The following MSANTD4 variants were observed in gnomAD, a reference collection of about 807,000 sequenced individuals.
MSANTD4 encodes the protein myb/SANT-like DNA-binding domain-containing protein 4.
A neutral mutation model predicts 34.3 loss-of-function variants in MSANTD4; 13 were observed. That is an observed-to-expected ratio of 0.38 (90% CI 0.25 to 0.60). MSANTD4 has a LOEUF of 0.60. MSANTD4 is among the 20% of genes least tolerant of loss of function. The pLI is 0.63. For synonymous variants in MSANTD4, 137 were observed against 145.2 expected (o/e 0.94, Z 0.41); for missense variants, 358 against 401.8 (o/e 0.89, Z 0.93).
Position 106,009,238 on chromosome 11 carries a change from T to C in MSANTD4, c.*297A>G, listed in dbSNP as rs1859610847. On this transcript the variant is annotated 3_prime_UTR_variant, in exon 3 of 3. Transcript: ENST00000301919. ...CCAAAATCTACCCCAGATGAGAACT[T>C]CTGGGCTAGAATTTTATATGGACAT... is the stretch of plus-strand genomic sequence containing the variant. 1 of 242,426 alleles carries C rather than the reference T, an allele frequency of 4.1e-6. No homozygotes were observed. Among genetic ancestry groups the C allele is most frequent in the African/African-American group, 2.2e-5 (1 of 44,458 alleles). 15.0% of individuals were successfully genotyped at this position (242,426 alleles called of 1,614,324 possible). A position where few individuals can be genotyped will look rare whatever the true frequency, so the allele number is the denominator to read the frequency against.
At chr11:106,015,243 G>C (rs1426693005) in intron 1 of MSANTD4, among the ~76,000 whole-genome samples, 2 of 152,188 alleles carry the variant, frequency 1.3e-5, no homozygotes, top group Non-Finnish European at 2.9e-5. Context: ...CCGGGTTAGA[G>C]TCCTGGCTCT....
chr11:106,010,522 C>T lies in MSANTD4; in HGVS notation c.396G>A (p.Arg132=), dbSNP rs1348340687. Residue 132 remains arginine (R), a synonymous_variant, in exon 2 of 3, where the codon AGG becomes AGA. Coordinates refer to ENST00000301919, the MANE Select transcript of MSANTD4 (RefSeq NM_032424.3). ...CCTCAGTTAAGGATCCACCTGCATC[C>T]CTGAAATCTGCCACATTTTGCCAGT... The part of the protein sequence containing the change: ...NFDWQNVADF[R]DAGGSLTEVK... The T allele has an allele frequency of 1.9e-6, 3 of 1,614,150 alleles. No homozygotes were observed. Among genetic ancestry groups the T allele is most frequent in the Non-Finnish European group, 2.5e-6 (3 of 1,180,018 alleles).
At position 106,021,752 on chromosome 11, in the gene MSANTD4, T is replaced by G. The variant is rs1211180244; in HGVS notation, c.-941A>C. The G allele has an allele frequency of 6.6e-6, 1 of 152,272 alleles. No individual in the cohort carries two copies. Among genetic ancestry groups the G allele is most frequent in the East Asian group, 1.9e-4 (1 of 5,150 alleles). 9.4% of individuals were successfully genotyped at this position (152,272 alleles called of 1,614,324 possible). Reference sequence around the variant, plus strand: ...TTCACCTCCCTCCCGCTGCCTCCTTTGGGACCGTCCAAAAAGAGCCCCTGG... The same window carrying G: ...TTCACCTCCCTCCCGCTGCCTCCTTGGGGACCGTCCAAAAAGAGCCCCTGG... On this transcript the variant is annotated 5_prime_UTR_variant, in exon 1 of 3. Transcript: ENST00000301919.
chr11:106,014,931 A>G (rs1042309377), intron 1 of MSANTD4, among the ~76,000 whole-genome samples: 2 of 22,282 alleles, frequency 9.0e-5, no homozygotes, highest in Admixed American at 6.6e-4. Context: ...AAAAAGGGCA[A>G]CGTATGCAAA....
rs1485781721 is a variant in MSANTD4, at chr11:106,009,451, C to G, written c.*84G>C. ...ACTGACATTAGACAAGAAACCACAG[C>G]TAATCCAGCAACCATCATTATATCA... On this transcript the variant is annotated 3_prime_UTR_variant, in exon 3 of 3. Coordinates refer to ENST00000301919, the MANE Select transcript of MSANTD4 (RefSeq NM_032424.3). 5 of 1,327,800 alleles carry G rather than the reference C, an allele frequency of 3.8e-6. No individual in the cohort carries two copies. In the East Asian group the frequency reaches 1.2e-4, roughly 31 times the overall value. 82.3% of individuals were successfully genotyped at this position (1,327,800 alleles called of 1,614,324 possible).
At chr11:106,011,598 T>G (rs1859694704) in intron 1 of MSANTD4, among the ~76,000 whole-genome samples, 1 of 150,954 alleles carries the variant, frequency 6.6e-6, no homozygotes, top group African/African-American at 2.5e-5. Context: ...AGACTGGATT[T>G]TATACTTGTG....
At chr11:106,015,478 T>A (rs1338226364) in intron 1 of MSANTD4, among the ~76,000 whole-genome samples, 1 of 152,204 alleles carries the variant, frequency 6.6e-6, no homozygotes, top group Non-Finnish European at 1.5e-5. Context: ...GTCACAATAA[T>A]ATTGGAATTG....
chr11:106,014,780 ACATCTTTGTTTC>A (rs373882678), intron 1 of MSANTD4, among the ~76,000 whole-genome samples: 215 of 152,284 alleles, frequency 1.4e-3, no homozygotes, highest in Non-Finnish European at 1.9e-3. Flanking sequence ...GCCCATCACC[ACATCTTTGTTTC>A]CAATCACTCA....
At chr11:106,015,960 C>T (rs1859833422) in intron 1 of MSANTD4, among the ~76,000 whole-genome samples, 1 of 152,134 alleles carries the variant, frequency 6.6e-6, no homozygotes. Context: ...AACTCCTGAG[C>T]CCCAGTGATC....
intron 1 of MSANTD4, among the ~76,000 whole-genome samples, chr11:106,013,274 A>G (rs2134943860): frequency 6.6e-6 from 1 of 152,312 alleles, no homozygotes; most frequent in South Asian, 2.1e-4. Context: ...ACAAAATGTG[A>G]AATGGGATGA....
Position 106,022,219 on chromosome 11 carries a change from A to G in MSANTD4, c.-1408T>C, listed in dbSNP as rs1265945979. The G allele has an allele frequency of 6.6e-6, 1 of 152,228 alleles. No homozygotes were observed. The highest frequency in any genetic ancestry group is 1.9e-4 in the East Asian group (1 of 5,164). 9.4% of individuals were successfully genotyped at this position (152,228 alleles called of 1,614,324 possible). On this transcript the variant is annotated 5_prime_UTR_variant, in exon 1 of 3. Transcript: ENST00000301919. ...CCTGCGACCCCGGCGGCACCTCCCC[A>G]CGGTCGCCCCAAGGGGGGTAGGAAA...
intron 1 of MSANTD4, among the ~76,000 whole-genome samples, chr11:106,020,714 A>C (rs769610835): frequency 1.3e-5 from 2 of 152,162 alleles, no homozygotes; most frequent in African/African-American, 2.4e-5. Flanking sequence ...CATATCTCTA[A>C]CTTACAAAGT....
rs1355730301 is a variant in MSANTD4 at position 106,010,619 on chromosome 11, G to C, written c.299C>G (p.Ser100Cys). Residue 100 changes from serine to cysteine, a missense_variant, in exon 2 of 3, where the codon TCC becomes TGC. Coordinates refer to ENST00000301919, the MANE Select transcript of MSANTD4 (RefSeq NM_032424.3). ...KLVGSGFPLP[S>C]SDLDDSLTEE... ...AGTGAGAGAGTCATCCAAATCAGAG[G>C]AGGGAAGGGGAAATCCTGAACCAAC... 3 of 1,614,102 alleles carry C rather than the reference G, an allele frequency of 1.9e-6. No homozygotes were observed. The highest frequency in any genetic ancestry group is 2.2e-5 in the South Asian group (2 of 91,074).
At chr11:106,019,346 A>G (rs1859958594) in intron 1 of MSANTD4, among the ~76,000 whole-genome samples, 1 of 152,216 alleles carries the variant, frequency 6.6e-6, no homozygotes, top group Non-Finnish European at 1.5e-5. Context: ...AACAGGTAAA[A>G]GTGAGTATTT....
At chr11:106,017,013 T>C (rs1003588105) in intron 1 of MSANTD4, among the ~76,000 whole-genome samples, 9 of 152,184 alleles carry the variant, frequency 5.9e-5, no homozygotes, top group African/African-American at 2.2e-4. Flanking sequence ...AGCATTTACA[T>C]AGCCTTTTGA....
rs188406266 is a variant in MSANTD4 at position 106,010,311 on chromosome 11, G to C, written c.462+145C>G. The C allele has an allele frequency of 2.2e-3, 2,938 of 1,327,052 alleles. 16 individuals are homozygous for C. In the Middle Eastern group the frequency reaches 0.037, roughly 17 times the overall value. The allele number at this position is 1,327,052 out of a possible 1,614,324, so 82.2% of individuals were successfully genotyped here. On this transcript the variant is annotated intron_variant, in intron 2 of 2. Transcript: ENST00000301919. ...TTTAGGTGGGAAGAAAAGTATTAAC[G>C]ATGTAAAGAGAAAAGCAGAATGACT... is the stretch of plus-strand genomic sequence containing the variant.
intron 1 of MSANTD4, among the ~76,000 whole-genome samples, chr11:106,012,464 T>A (rs917357611): frequency 6.6e-6 from 1 of 152,222 alleles, no homozygotes; most frequent in Admixed American, 6.5e-5. Flanking sequence ...AATAGGAAAG[T>A]ACGTATACTT....
chr11:106,017,342 A>C (rs1293913064), intron 1 of MSANTD4, among the ~76,000 whole-genome samples: 1 of 152,230 alleles, frequency 6.6e-6, no homozygotes, highest in Non-Finnish European at 1.5e-5. Flanking sequence ...CAACCTGGGG[A>C]TCATGTGCAC....
At chr11:106,013,615 C>G (rs1859760783) in intron 1 of MSANTD4, among the ~76,000 whole-genome samples, 3 of 152,182 alleles carry the variant, frequency 2.0e-5, no homozygotes, top group Admixed American at 1.3e-4. Flanking sequence ...AATCCTAGCA[C>G]TTTGGGAGGC....
Sources: allele counts gnomAD v4.1 joint callset (sites outside exome capture counted in the v4.1 genomes callset), GRCh38; gene constraint gnomAD v4.1.1; transcripts MANE v1.5; gene names NCBI Gene and HGNC (gene_info 2026-07-23, HGNC 2026-07-21).